The following SHROOM2 variants were observed in gnomAD, a reference collection of about 807,000 sequenced individuals.
SHROOM2 encodes the protein protein Shroom2.
A neutral mutation model predicts 75.9 loss-of-function variants in SHROOM2; 33 were observed. The ratio of observed to expected loss-of-function variants is 0.43; its 90% CI spans 0.33 to 0.58. The LOEUF (loss-of-function observed/expected upper bound fraction) is 0.58, where lower values mean the gene tolerates loss of function less well. SHROOM2 is among the 20% of genes least tolerant of loss of function. The probability of loss-of-function intolerance (pLI) is 0.04; values close to 1 mark genes in which losing one functional copy is unlikely to be tolerated. For missense variants in SHROOM2, 1,434 were observed against 1,461.2 expected (o/e 0.98, Z 0.30); for synonymous variants, 655 against 663.6 (o/e 0.99, Z 0.20).
chrX:9,812,502 C>T (rs1358645945), intron 1 of SHROOM2, among the ~76,000 whole-genome samples: 1 of 112,154 alleles, frequency 8.9e-6, no homozygotes, highest in Admixed American at 9.5e-5. Context: ...TATTCTTCAC[C>T]TTGGAATATC....
At chrX:9,849,082 C>G (rs1368591972) in intron 1 of SHROOM2, among the ~76,000 whole-genome samples, 1 of 112,007 alleles carries the variant, frequency 8.9e-6, no homozygotes, top group African/African-American at 3.2e-5. Context: ...TCCTGCTTCC[C>G]TTGCTGTGGC....
intron 7 of SHROOM2, among the ~76,000 whole-genome samples, chrX:9,938,430 G>A (rs891293297): frequency 4.5e-5 from 5 of 110,576 alleles, no homozygotes; most frequent in African/African-American, 1.6e-4. Flanking sequence ...GTAGACACCT[G>A]TAGTCCCAGC....
intron 1 of SHROOM2, among the ~76,000 whole-genome samples, chrX:9,855,767 C>G (rs2084066726): frequency 9.0e-6 from 1 of 111,591 alleles, no homozygotes; most frequent in African/African-American, 3.3e-5. Context: ...TGTCGCTGTG[C>G]TCTGCAAACT....
At chrX:9,845,691 C>T (rs1342082974) in intron 1 of SHROOM2, among the ~76,000 whole-genome samples, 1 of 110,544 alleles carries the variant, frequency 9.0e-6, no homozygotes, top group Non-Finnish European at 1.9e-5. Flanking sequence ...TCCTTTCTGT[C>T]CGTCTCTGCT....
intron 6 of SHROOM2, among the ~76,000 whole-genome samples, chrX:9,934,895 C>T (rs1479463408): frequency 3.6e-5 from 4 of 110,900 alleles, no homozygotes; most frequent in Admixed American, 2.9e-4. Flanking sequence ...GCCTCAGCCT[C>T]CCGAGTAGCT....
At chrX:9,906,313 G>T (rs145458840) in intron 5 of SHROOM2, among the ~76,000 whole-genome samples, 5 of 111,621 alleles carry the variant, frequency 4.5e-5, no homozygotes, top group Non-Finnish European at 9.4e-5. Context: ...GTTCATGGGC[G>T]TGGGGTTTCT....
At chrX:9,941,829 G>C (rs1482224230) in intron 8 of SHROOM2, among the ~76,000 whole-genome samples, 1 of 108,709 alleles carries the variant, frequency 9.2e-6, no homozygotes, top group African/African-American at 3.3e-5. Flanking sequence ...AAATTAGCCA[G>C]GCGTGGTGGC....
chrX:9,913,296 G>A (rs2084450163), intron 5 of SHROOM2: 1 of 112,722 alleles, frequency 8.9e-6, no homozygotes, highest in Non-Finnish European at 1.9e-5. Flanking sequence ...CATGAGAAAT[G>A]TTCCCTGAGT....
chrX:9,910,625 T>C lies in SHROOM2; in HGVS notation c.2891+12335T>C, dbSNP rs2084417990. On this transcript the variant is annotated intron_variant, in intron 5 of 9. Transcript: ENST00000380913. ...TGAGGTCAGGAGTTCGAGACCAGCC[T>C]GACCAACATGGTGAAACCCCGTCTC... is the stretch of plus-strand genomic sequence containing the variant. Among the ~76,000 whole-genome samples the C allele has an allele frequency of 3.6e-5, 4 of 109,763 alleles. No individual in the cohort carries two copies. In the South Asian group the frequency reaches 1.6e-3, roughly 43 times the overall value.
chrX:9,811,799 C>T (rs1024526214), intron 1 of SHROOM2, among the ~76,000 whole-genome samples: 12 of 111,896 alleles, frequency 1.1e-4, no homozygotes, highest in Non-Finnish European at 1.7e-4. Flanking sequence ...TCTTCTCTTC[C>T]TCTGTCAGCT....
At chrX:9,915,116 T>C (rs1461300487) in intron 5 of SHROOM2, among the ~76,000 whole-genome samples, 1 of 111,965 alleles carries the variant, frequency 8.9e-6, no homozygotes, top group East Asian at 2.8e-4. Context: ...GGAACACAGA[T>C]TAAATTATTT....
chrX:9,942,467 A>C (rs1274157970), intron 8 of SHROOM2, among the ~76,000 whole-genome samples: 1 of 112,046 alleles, frequency 8.9e-6, no homozygotes, highest in Non-Finnish European at 1.9e-5. Context: ...CGCAAGTCTG[A>C]GTCTCAGGGA....
intron 1 of SHROOM2, among the ~76,000 whole-genome samples, chrX:9,858,594 G>C (rs1017408213): frequency 1.8e-5 from 2 of 111,681 alleles, no homozygotes; most frequent in African/African-American, 6.5e-5. Flanking sequence ...CTGAGGTCAA[G>C]AGTTCGAGAC....
intron 5 of SHROOM2, among the ~76,000 whole-genome samples, chrX:9,910,334 T>C (rs891070225): frequency 3.6e-5 from 4 of 111,528 alleles, no homozygotes; most frequent in African/African-American, 1.3e-4. Context: ...ATATTAATAA[T>C]AGGGGGAAGT....
chrX:9,899,038 G>A (rs189883950), intron 5 of SHROOM2, among the ~76,000 whole-genome samples: 189 of 109,888 alleles, frequency 1.7e-3, no homozygotes, highest in African/African-American at 6.1e-3. Flanking sequence ...GAGCCCAGGA[G>A]TTCAAGACCA....
intron 2 of SHROOM2, among the ~76,000 whole-genome samples, chrX:9,884,603 A>G (rs982663589): frequency 1.4e-4 from 15 of 106,603 alleles, no homozygotes; most frequent in African/African-American, 4.8e-4. Context: ...CTGGGCTCAA[A>G]CATACAGCTG....
At chrX:9,836,827 C>G (rs777500838) in intron 1 of SHROOM2, among the ~76,000 whole-genome samples, 93 of 111,452 alleles carry the variant, frequency 8.3e-4, no homozygotes, top group African/African-American at 2.9e-3. Context: ...ATTTTAGATC[C>G]TTTCCATCAC....
intron 5 of SHROOM2, among the ~76,000 whole-genome samples, chrX:9,905,081 C>T (rs1472608166): frequency 1.8e-5 from 2 of 112,204 alleles, no homozygotes; most frequent in Non-Finnish European, 3.8e-5. Context: ...CCTCAAACTC[C>T]TGGCCTCAAG....
rs760749357 is a variant in SHROOM2 at position 9,939,258 on chromosome X, G to A, written c.4203G>A (p.Thr1401=). The change falls in exon 8 of 10, where the codon ACG becomes ACA. Residue 1401 remains threonine, a synonymous_variant. Coordinates refer to ENST00000380913, the MANE Select transcript of SHROOM2 (RefSeq NM_001649.4). The part of the protein sequence containing the change: ...SLATNSTYYS[T]SAPKAELLIK... ...CCACCAATTCTACCTACTACAGCAC[G>A]TCGGCCCCCAAGGCGGAGCTGCTGA... 8 of 1,208,456 alleles carry A rather than the reference G, an allele frequency of 6.6e-6. No homozygotes were observed. The highest frequency in any genetic ancestry group is 4.4e-5 in the Admixed American group (2 of 45,694).
Sources: gnomAD v4.1 joint callset for allele counts (sites outside exome capture counted in the v4.1 genomes callset) on GRCh38, gnomAD v4.1.1 for gene constraint, MANE v1.5 for transcripts, NCBI Gene and HGNC (gene_info 2026-07-23, HGNC 2026-07-21) for gene names.